Variants in ARHGAP6 observed in about 807,000 individuals in gnomAD.
The protein encoded by ARHGAP6 is Rho GTPase activating protein 6.
Under a neutral mutation model 55.7 loss-of-function variants are expected in ARHGAP6, and 16 were observed. The ratio of observed to expected loss-of-function variants is 0.29; its 90% CI spans 0.19 to 0.44. The LOEUF is 0.44. ARHGAP6 is among the 20% of genes least tolerant of loss of function. The probability of loss-of-function intolerance (pLI) is 1.00; values close to 1 mark genes in which losing one functional copy is unlikely to be tolerated. For missense variants in ARHGAP6, 698 were observed against 808.9 expected (o/e 0.86, Z 1.66); for synonymous variants, 382 against 360.9 (o/e 1.06, Z -0.66).
At chrX:11,296,255 T>C (rs2048082133) in intron 1 of ARHGAP6, among the ~76,000 whole-genome samples, 2 of 111,941 alleles carry the variant, frequency 1.8e-5, no homozygotes, top group Non-Finnish European at 3.8e-5. Flanking sequence ...TTATGAGAAA[T>C]CCCTTTGATA....
At chrX:11,187,687 T>G (rs747756341) in intron 4 of ARHGAP6, among the ~76,000 whole-genome samples, 4 of 111,729 alleles carry the variant, frequency 3.6e-5, no homozygotes, top group Non-Finnish European at 5.6e-5. Context: ...GTCTGGGGTT[T>G]TAACTAGGGC....
chrX:11,628,661 T>C lies in ARHGAP6; in HGVS notation c.588+35580A>G, dbSNP rs181208774. Reference sequence around the variant, plus strand: ...CTGTGAACTAGAATAATAATAGCCATTTCCTCCAGAGCTCACCATCTAAGT... The same window carrying C: ...CTGTGAACTAGAATAATAATAGCCACTTCCTCCAGAGCTCACCATCTAAGT... On this transcript the variant is annotated intron_variant, in intron 1 of 12. Coordinates refer to ENST00000337414, the MANE Select transcript of ARHGAP6 (RefSeq NM_013427.3). 6.7e-3 allele frequency among the ~76,000 whole-genome samples: 749 copies of C among 112,226 alleles called. 7 individuals carry two copies. The highest frequency in any genetic ancestry group is 0.022 in the African/African-American group (693 of 30,920).
chrX:11,210,189 G>C (rs924965237), intron 2 of ARHGAP6, among the ~76,000 whole-genome samples: 3 of 112,535 alleles, frequency 2.7e-5, no homozygotes, highest in Non-Finnish European at 5.6e-5. Flanking sequence ...GGGTGGCTCT[G>C]TTCTCTGCAA....
At position 11,202,384 on chromosome X, in the gene ARHGAP6, T is replaced by A. The variant is rs1602852455; in HGVS notation, c.749-5388A>T. ...GTTCCCATAACCCTAAATCTATCCA[T>A]AGGACCCTGGTGTGATAAATTAGAT... On this transcript the variant is annotated intron_variant, in intron 2 of 12. Coordinates refer to ENST00000337414, the MANE Select transcript of ARHGAP6 (RefSeq NM_013427.3). 6.3e-5 allele frequency among the ~76,000 whole-genome samples: 7 copies of A among 111,082 alleles called. No homozygotes were observed. In the East Asian group the frequency reaches 1.7e-3, roughly 27 times the overall value.
chrX:11,287,575 T>A (rs2033338274), intron 1 of ARHGAP6, among the ~76,000 whole-genome samples: 1 of 112,162 alleles, frequency 8.9e-6, no homozygotes, highest in South Asian at 3.7e-4. Context: ...GGGACACAAG[T>A]GGATTTCCCT....
At chrX:11,264,461 C>G (rs756693748) in intron 1 of ARHGAP6, among the ~76,000 whole-genome samples, 1 of 111,662 alleles carries the variant, frequency 9.0e-6, no homozygotes, top group East Asian at 2.8e-4. Context: ...AGGGGACATA[C>G]TGGAAGTCCT....
intron 1 of ARHGAP6, among the ~76,000 whole-genome samples, chrX:11,590,700 G>A (rs1331868159): frequency 2.0e-5 from 2 of 102,318 alleles, no homozygotes; most frequent in East Asian, 3.0e-4. Flanking sequence ...CATGAGAATC[G>A]CTTGAACCCA....
At chrX:11,336,959 C>T (rs1174814183) in intron 1 of ARHGAP6, among the ~76,000 whole-genome samples, 2 of 110,783 alleles carry the variant, frequency 1.8e-5, no homozygotes, top group Non-Finnish European at 3.8e-5. Context: ...AGACGTACAC[C>T]GGGTCAGTTT....
At chrX:11,295,873 C>G (rs995506319) in intron 1 of ARHGAP6, among the ~76,000 whole-genome samples, 1 of 111,697 alleles carries the variant, frequency 9.0e-6, no homozygotes, top group South Asian at 3.8e-4. Context: ...CTAAATGAGG[C>G]CAATGTCTGA....
intron 2 of ARHGAP6, among the ~76,000 whole-genome samples, chrX:11,205,846 C>A (rs1178403286): frequency 8.9e-6 from 1 of 111,900 alleles, no homozygotes; most frequent in Non-Finnish European, 1.9e-5. Context: ...TTACCCTGAC[C>A]ACTACTACCA....
intron 1 of ARHGAP6, among the ~76,000 whole-genome samples, chrX:11,485,340 G>A (rs2050501124): frequency 9.3e-6 from 1 of 107,157 alleles, no homozygotes; most frequent in Non-Finnish European, 1.9e-5. Context: ...AAGAGGGAGG[G>A]AGAAGTAAGC....
intron 1 of ARHGAP6, among the ~76,000 whole-genome samples, chrX:11,609,465 T>C (rs147428526): frequency 0.012 from 1,327 of 111,535 alleles, 7 homozygotes; most frequent in Non-Finnish European, 0.02. Context: ...GGCTATTCTC[T>C]GAGGCATTAA....
intron 1 of ARHGAP6, among the ~76,000 whole-genome samples, chrX:11,481,111 T>C (rs1362032960): frequency 1.8e-5 from 2 of 111,415 alleles, no homozygotes; most frequent in Admixed American, 9.5e-5. Context: ...GGATCTCCCC[T>C]GGAGTGCTAC....
intron 12 of ARHGAP6, among the ~76,000 whole-genome samples, chrX:11,139,777 C>T (rs964648359): frequency 6.2e-5 from 7 of 112,004 alleles, no homozygotes; most frequent in African/African-American, 2.3e-4. Context: ...TTAGCTGAGA[C>T]GTCAGACTAT....
At chrX:11,544,516 C>G in intron 1 of ARHGAP6, among the ~76,000 whole-genome samples, 1 of 112,295 alleles carries the variant, frequency 8.9e-6, no homozygotes, top group Non-Finnish European at 1.9e-5. Flanking sequence ...GCTTCACAAC[C>G]ACTTCAGTTT....
intron 10 of ARHGAP6, among the ~76,000 whole-genome samples, chrX:11,154,090 T>G (rs891108293): frequency 1.8e-5 from 2 of 111,320 alleles, no homozygotes; most frequent in Admixed American, 1.9e-4. Context: ...TTGCGATAGT[T>G]TGCTGAGAAT....
chrX:11,197,608 TG>T (rs936308807), intron 2 of ARHGAP6, among the ~76,000 whole-genome samples: 1 of 112,351 alleles, frequency 8.9e-6, no homozygotes, highest in Non-Finnish European at 1.9e-5. Context: ...ACTTTCTTTG[TG>T]GGGAGTTCCA....
chrX:11,177,172 A>C (rs1283567083), intron 8 of ARHGAP6, among the ~76,000 whole-genome samples: 1 of 111,519 alleles, frequency 9.0e-6, no homozygotes, highest in Non-Finnish European at 1.9e-5. Flanking sequence ...GAGGTCAGGG[A>C]GAGGTATAAC....
At chrX:11,294,984 C>T in intron 1 of ARHGAP6, 4 of 693,713 alleles carry the variant, frequency 5.8e-6, no homozygotes, top group South Asian at 4.9e-5. Flanking sequence ...AGAAACACTT[C>T]AGGAGCTTGT....
Sources: allele counts gnomAD v4.1 joint callset (sites outside exome capture counted in the v4.1 genomes callset), GRCh38; gene constraint gnomAD v4.1.1; transcripts MANE v1.5; gene names NCBI Gene and HGNC (gene_info 2026-07-23, HGNC 2026-07-21).